FAM47E: variants seen among roughly 807,000 people sequenced by gnomAD.
The protein encoded by FAM47E is family with sequence similarity 47 member E.
Under a neutral mutation model 41.6 loss-of-function variants are expected in FAM47E, and 32 were observed. That is an observed-to-expected ratio of 0.77 (90% CI 0.58 to 1.03). The LOEUF is 1.03. Ranked by LOEUF, FAM47E falls within the 50% of genes least tolerant of loss-of-function variation. The pLI is 0.00. For missense variants in FAM47E, 424 were observed against 485.4 expected (o/e 0.87, Z 1.19); for synonymous variants, 184 against 188.7 (o/e 0.98, Z 0.20).
chr4:76,250,328 T>C (rs1733925756), upstream of FAM47E, among the ~76,000 whole-genome samples: 1 of 152,230 alleles, frequency 6.6e-6, no homozygotes, highest in African/African-American at 2.4e-5. Flanking sequence ...TAGCCTTTTT[T>C]CATATGTTTG....
intron 2 of FAM47E, among the ~76,000 whole-genome samples, chr4:76,226,669 CA>C (rs1733404463): frequency 6.6e-6 from 1 of 152,222 alleles, no homozygotes; most frequent in African/African-American, 2.4e-5. Context: ...AGCCCTGCCT[CA>C]GCCCTTCTAC....
chr4:76,282,288 A>C (rs535424578), intron 7 of FAM47E: 72 of 152,264 alleles, frequency 4.7e-4, no homozygotes, highest in African/African-American at 1.4e-3. Context: ...CTCAGAAGGG[A>C]GTATGCCTTA....
chr4:76,237,842 A>G (rs1450786277), intron 2 of FAM47E, among the ~76,000 whole-genome samples: 5 of 152,150 alleles, frequency 3.3e-5, no homozygotes, highest in African/African-American at 1.2e-4. Flanking sequence ...ACTCACTATA[A>G]CAAGAACTGC....
rs1314058001 is a variant in FAM47E at position 76,256,249 on chromosome 4, G to A, written c.146G>A (p.Arg49Lys). 1 of 1,551,606 alleles carries A rather than the reference G, an allele frequency of 6.4e-7. No individual in the cohort carries two copies. Among genetic ancestry groups the A allele is most frequent in the Non-Finnish European group, 8.7e-7 (1 of 1,147,010 alleles). ...SLHSRQLVFP[R>K]KGLDDFRKGC... ...CACAGCCGGCAGTTGGTATTTCCAAGAAAGGGGCTGGACGACTTCAGGAAG... is the reference window on the plus strand; with the variant it reads ...CACAGCCGGCAGTTGGTATTTCCAAAAAAGGGGCTGGACGACTTCAGGAAG... Residue 49 changes from arginine (R) to lysine (K), a missense_variant, in exon 2 of 8, where the codon AGA (arginine) becomes AAA (lysine). By Grantham distance (26) the Arg-to-Lys change is conservative. Transcript: ENST00000424749.
chr4:76,251,769 T>C lies in FAM47E; in HGVS notation c.23T>C (p.Leu8Pro), dbSNP rs1578770735. The C allele has an allele frequency of 6.7e-7, 1 of 1,487,920 alleles. No homozygotes were observed. Among genetic ancestry groups the C allele is most frequent in the Non-Finnish European group, 8.9e-7 (1 of 1,125,160 alleles). 92.2% of individuals were successfully genotyped at this position (1,487,920 alleles called of 1,614,324 possible). A position where few individuals can be genotyped will look rare whatever the true frequency, so the allele number is the denominator to read the frequency against. The change falls in exon 1 of 8, where the codon CTC becomes CCC. Residue 8 changes from leucine to proline, a missense_variant. By Grantham distance (98) the Leu-to-Pro change is moderately conservative. Transcript: ENST00000424749. MADRRRRLRPGTLAPVRE... is the reference protein window; with the variant it reads MADRRRRPRPGTLAPVRE... ...ACCATGGCGGACCGCAGGCGGCGGC[T>C]CCGGCCGGGGACGTTGGCCCCGGTG...
intron 2 of FAM47E, among the ~76,000 whole-genome samples, chr4:76,241,544 G>A (rs928484729): frequency 6.6e-6 from 1 of 152,160 alleles, no homozygotes; most frequent in African/African-American, 2.4e-5. Flanking sequence ...ACAGGGCTGA[G>A]GAGTAGGGTT....
intron 3 of FAM47E, among the ~76,000 whole-genome samples, chr4:76,265,986 C>T (rs1309297494): frequency 1.3e-5 from 2 of 152,334 alleles, no homozygotes; most frequent in South Asian, 4.1e-4. Flanking sequence ...GCTCTTATCT[C>T]CACCACTCCA....
rs57389468 is a variant in FAM47E, at chr4:76,237,718, G to A, written c.81+20030G>A. Among the ~76,000 whole-genome samples, 1,446 of 152,296 alleles carry A rather than the reference G, an allele frequency of 9.5e-3. 24 individuals are homozygous for A. The highest frequency in any genetic ancestry group is 0.033 in the African/African-American group (1,371 of 41,562). ...CTGGGGAGGCCTCAGGAAACTCACA[G>A]TCATGACAGAAGGTGAAGGGGGAGC... On this transcript the variant is annotated intron_variant, in intron 2 of 7. Coordinates refer to the FAM47E transcript ENST00000510197.
chr4:76,224,793 T>G (rs1255990268), intron 2 of FAM47E, among the ~76,000 whole-genome samples: 2 of 152,046 alleles, frequency 1.3e-5, no homozygotes, highest in Non-Finnish European at 2.9e-5. Context: ...ACAGGTGGTG[T>G]TTGGTTGCAT....
intron 2 of FAM47E, among the ~76,000 whole-genome samples, chr4:76,241,690 A>G (rs1733716284): frequency 6.6e-6 from 1 of 152,204 alleles, no homozygotes; most frequent in Non-Finnish European, 1.5e-5. Context: ...AGATGCTGCT[A>G]GAACAGTTGT....
intron 1 of FAM47E, among the ~76,000 whole-genome samples, chr4:76,217,196 A>G (rs1733223584): frequency 6.6e-6 from 1 of 152,198 alleles, no homozygotes. Flanking sequence ...CCTGCTTGCC[A>G]GCCACTAATA....
intron 1 of FAM47E, 85 bp downstream of exon 1, chr4:76,251,905 G>A (rs1026699177): frequency 3.7e-6 from 5 of 1,348,980 alleles, no homozygotes; most frequent in Non-Finnish European, 3.8e-6. Context: ...TGGGGCGGGG[G>A]CGAGGGGAGA....
At chr4:76,229,110 C>T (rs905869635) in intron 2 of FAM47E, among the ~76,000 whole-genome samples, 6 of 152,078 alleles carry the variant, frequency 3.9e-5, no homozygotes, top group African/African-American at 1.4e-4. Context: ...CTTTCTTCTA[C>T]TTGTTCTATT....
intron 1 of FAM47E, among the ~76,000 whole-genome samples, chr4:76,215,794 C>T (rs902766928): frequency 3.3e-5 from 5 of 152,120 alleles, no homozygotes; most frequent in Non-Finnish European, 5.9e-5. Context: ...AAATGTCCCA[C>T]CAGTCCCCAG....
chr4:76,275,254 C>T (rs1448086361), intron 5 of FAM47E, among the ~76,000 whole-genome samples: 1 of 152,118 alleles, frequency 6.6e-6, no homozygotes, highest in Non-Finnish European at 1.5e-5. Flanking sequence ...AGTATTCTCG[C>T]TGCCTGGAGT....
At chr4:76,235,160 T>C (rs933260648) in intron 2 of FAM47E, among the ~76,000 whole-genome samples, 4 of 151,594 alleles carry the variant, frequency 2.6e-5, no homozygotes, top group Non-Finnish European at 4.4e-5. Flanking sequence ...TACTAAAAAA[T>C]ACAAAAAATT....
chr4:76,224,808 A>G (rs1027835603), intron 2 of FAM47E, among the ~76,000 whole-genome samples: 4 of 151,984 alleles, frequency 2.6e-5, no homozygotes, highest in Non-Finnish European at 5.9e-5. Flanking sequence ...TTGCATGGAA[A>G]AGTTCTTTAG....
intron 2 of FAM47E, among the ~76,000 whole-genome samples, chr4:76,260,017 G>A (rs1366372093): frequency 6.6e-6 from 1 of 151,940 alleles, no homozygotes; most frequent in Non-Finnish European, 1.5e-5. Context: ...GGAAGTGAAA[G>A]ACCTCCACAA....
chr4:76,239,220 G>T (rs1008689669), intron 2 of FAM47E, among the ~76,000 whole-genome samples: 3 of 152,090 alleles, frequency 2.0e-5, no homozygotes, highest in Non-Finnish European at 4.4e-5. Flanking sequence ...ATATCTCTTT[G>T]ATACTGCTAT....
Sources: allele counts gnomAD v4.1 joint callset (sites outside exome capture counted in the v4.1 genomes callset), GRCh38; gene constraint gnomAD v4.1.1; transcripts MANE v1.5; gene names NCBI Gene and HGNC (gene_info 2026-07-23, HGNC 2026-07-21).